The following PARP16 variants were observed in gnomAD, a reference collection of about 807,000 sequenced individuals.
PARP16 encodes poly(ADP-ribose) polymerase family member 16.
Under a neutral mutation model 35.0 loss-of-function variants are expected in PARP16, and 31 were observed. The observed-to-expected ratio is 0.88, with a 90% confidence interval of 0.66 to 1.19. The LOEUF (loss-of-function observed/expected upper bound fraction) is 1.19. Among genes scored for constraint, PARP16 ranks in the 50% most tolerant of loss-of-function variants. PARP16 has a pLI of 0.00. For missense variants in PARP16, 424 were observed against 411.2 expected, an observed-to-expected ratio of 1.03 and a Z score of -0.27; for synonymous variants, 162 against 169.5, an observed-to-expected ratio of 0.96 and a Z score of 0.34.
Position 65,249,360 on chromosome 15 carries a change from C to G in PARP16, c.203-1132G>C, listed in dbSNP as rs78436721. Among the ~76,000 whole-genome samples, 1,459 of 152,350 alleles carry G rather than the reference C, an allele frequency of 9.6e-3. 22 individuals carry two copies. The highest frequency in any genetic ancestry group is 0.033 in the African/African-American group (1,371 of 41,586). The stretch of plus-strand genomic sequence containing the variant: ...GGCTCCCACCCCAGGGACAGTGGCC[C>G]AGTGGGGGCCTCCTCTTAAGTGACA... On this transcript the variant is annotated intron_variant and NMD_transcript_variant, in intron 2 of 3. Coordinates refer to the PARP16 transcript ENST00000559805.
intron 3 of PARP16, among the ~76,000 whole-genome samples, chr15:65,238,215 CAG>C (rs2088943111): frequency 6.6e-6 from 1 of 152,070 alleles, no homozygotes; most frequent in Admixed American, 6.6e-5. Flanking sequence ...ACCCGGGAGG[CAG>C]AGTTTGCAGT....
chr15:65,260,982 C>T lies in PARP16; in HGVS notation c.736G>A (p.Glu246Lys). Residue 246 changes from glutamate (E) to lysine (K), a missense_variant, in exon 5 of 6, where the codon GAA becomes AAA. By Grantham distance (56) the Glu-to-Lys change is moderately conservative (BLOSUM62 1). Transcript: ENST00000649807. Reference sequence around the variant, plus strand: ...TACTTGGGAGGGATGTCTCCCCCTTCACTATGTTTGATTCTCGCTCGTCTG... The same window carrying T: ...TACTTGGGAGGGATGTCTCCCCCTTTACTATGTTTGATTCTCGCTCGTCTG... ...DRRRARIKHS[E>K]GGDIPPKYFV... 6.2e-7 allele frequency: 1 copy of T among 1,613,644 alleles called. No homozygotes were observed. The highest frequency in any genetic ancestry group is 8.5e-7 in the Non-Finnish European group (1 of 1,179,632).
intron 1 of PARP16, among the ~76,000 whole-genome samples, chr15:65,276,817 C>A (rs147840093): frequency 6.6e-6 from 1 of 151,772 alleles, no homozygotes; most frequent in African/African-American, 2.4e-5. Flanking sequence ...CCTGTCTTTA[C>A]TAAAAATACA....
chr15:65,250,846 C>T (rs1244836029), intron 2 of PARP16, among the ~76,000 whole-genome samples: 3 of 152,084 alleles, frequency 2.0e-5, no homozygotes, highest in African/African-American at 4.8e-5. Flanking sequence ...CACAGTGGCG[C>T]GCGTGTGTGT....
In PARP16 at chr15:65,263,152, T is replaced by C; in HGVS notation, c.688A>G (p.Lys230Glu). The C allele has an allele frequency of 6.2e-7, 1 of 1,613,544 alleles. No individual in the cohort carries two copies. Among genetic ancestry groups the C allele is most frequent in the South Asian group, 1.1e-5 (1 of 90,966 alleles). ...HPDVKCQTKK[K>E]DSKEIDRRRA... is the part of the protein sequence containing the mutation. Reference sequence around the variant, plus strand: ...TCTGGACCAAGTGCTCACTCACCCTTCTTCTTGGTTTGGCACTTGACGTCC... The same window carrying C: ...TCTGGACCAAGTGCTCACTCACCCTCCTTCTTGGTTTGGCACTTGACGTCC... The change falls in exon 4 of 6, where the codon AAG becomes GAG. Residue 230 changes from lysine (K) to glutamate (E), a missense_variant. Coordinates refer to ENST00000649807, the MANE Select transcript of PARP16 (RefSeq NM_001316943.2).
intron 1 of PARP16, among the ~76,000 whole-genome samples, chr15:65,276,030 C>T (rs1353988960): frequency 1.3e-5 from 2 of 152,196 alleles, no homozygotes; most frequent in African/African-American, 2.4e-5. Flanking sequence ...GGGAGAGATG[C>T]CTCCTAGCTC....
chr15:65,255,111 T>TC (rs555181620), downstream of PARP16, among the ~76,000 whole-genome samples: 376 of 152,236 alleles, frequency 2.5e-3, 4 homozygotes, highest in African/African-American at 8.6e-3. Flanking sequence ...CTTTCACTTT[T>TC]CCCAGAGCTG....
downstream of PARP16, among the ~76,000 whole-genome samples, chr15:65,254,099 G>A (rs369996604): frequency 3.8e-4 from 58 of 152,314 alleles, no homozygotes; most frequent in East Asian, 7.3e-3. Flanking sequence ...GATTATAGCC[G>A]TGAACCACCG....
At position 65,260,882 on chromosome 15, in the gene PARP16, T is replaced by C; in HGVS notation, c.833+3A>G. ...AGCCATTAGTTGTTCTCTTGGACCT[T>C]ACCTCTTGGGTGGCTTCTGTGAATA... On this transcript the variant is annotated splice_donor_region_variant and intron_variant, in intron 5 of 5. Transcript: ENST00000649807. The C allele has an allele frequency of 8.7e-6, 14 of 1,613,612 alleles. No individual in the cohort carries two copies. Among genetic ancestry groups the C allele is most frequent in the Non-Finnish European group, 1.2e-5 (14 of 1,179,668 alleles).
At position 65,266,671 on chromosome 15, in the gene PARP16, T is replaced by C. The variant is rs747473542; in HGVS notation, c.410A>G (p.Lys137Arg). Residue 137 changes from lysine to arginine, a missense_variant, in exon 3 of 6, where the codon AAA becomes AGA. Physicochemically the swap from Lys to Arg is conservative, Grantham distance 26 (BLOSUM62 2). Transcript: ENST00000649807. ...TCGTTCTCCTTTGGTCTCATAAAAT[T>C]TGGCGTTGGCTGGGTCAAAGTACTC... The part of the protein sequence containing the change: ...EIEYFDPANA[K>R]FYETKGERDL... 1 of 1,614,134 alleles carries C rather than the reference T, an allele frequency of 6.2e-7. No homozygotes were observed. The highest frequency in any genetic ancestry group is 8.5e-7 in the Non-Finnish European group (1 of 1,180,020).
In PARP16 at chr15:65,277,407, A is replaced by T. The variant is rs533240856; in HGVS notation, c.175-6335T>A. On this transcript the variant is annotated intron_variant, in intron 1 of 5. Transcript: ENST00000649807. ...CACTCCCTGAGGCCAACCACATCTT[A>T]CTTACCCTGGATCCCCATGCCAGCC... Among the ~76,000 whole-genome samples, 9 of 152,308 alleles carry T rather than the reference A, an allele frequency of 5.9e-5. No homozygotes were observed. The South Asian group carries it at 1.9e-3, about 32-fold the overall frequency.
chr15:65,231,107 C>T (rs370492217), downstream of PARP16, among the ~76,000 whole-genome samples: 2 of 152,102 alleles, frequency 1.3e-5, no homozygotes, highest in East Asian at 1.9e-4. Context: ...AGGCCAGTCT[C>T]GAACTCCTGA....
chr15:65,243,106 C>T (rs956905793), intron 3 of PARP16, among the ~76,000 whole-genome samples: 4 of 152,108 alleles, frequency 2.6e-5, no homozygotes, highest in Admixed American at 6.6e-5. Flanking sequence ...TTTTTCTTTC[C>T]AAACTATATG....
At chr15:65,259,565 T>A (rs1478166653) in intron 5 of PARP16, 23 bp from the exon 6 acceptor site, 3 of 1,607,464 alleles carry the variant, frequency 1.9e-6, no homozygotes, top group Non-Finnish European at 1.7e-6. Context: ...GAAAAAAGAG[T>A]GGTGTTGGCA....
chr15:65,240,322 T>TTG (rs1567008535), intron 3 of PARP16, among the ~76,000 whole-genome samples: 10 of 45,986 alleles, frequency 2.2e-4, no homozygotes, highest in African/African-American at 8.4e-4. Flanking sequence ...TGGGGGGGGC[T>TTG]AGTGTGTGTG....
Position 65,266,755 on chromosome 15 carries a change from T to C in PARP16, c.326A>G (p.Gln109Arg), listed in dbSNP as rs985523373. 6.2e-7 allele frequency: 1 copy of C among 1,613,728 alleles called. No individual in the cohort carries two copies. The highest frequency in any genetic ancestry group is 1.7e-5 in the Admixed American group (1 of 59,966). Reference sequence around the variant, plus strand: ...CGTGTGAGGAGCCCCAGTCAGCTTTTGGATCTTTTCAAACTTGAAAACATG... The same window carrying C: ...CGTGTGAGGAGCCCCAGTCAGCTTTCGGATCTTTTCAAACTTGAAAACATG... ...SAGKAEFEKIQKLTGAPHTPV... is the reference protein window; with the variant it reads ...SAGKAEFEKIRKLTGAPHTPV... Residue 109 changes from glutamine (Q) to arginine (R), a missense_variant, in exon 3 of 6, where the codon CAA becomes CGA. Gln to Arg is a conservative substitution (Grantham distance 43). Transcript: ENST00000649807.
chr15:65,286,321 G>A lies in PARP16; in HGVS notation c.106C>T (p.Arg36Cys), dbSNP rs745494229. The A allele has an allele frequency of 1.2e-6, 2 of 1,604,582 alleles. No individual in the cohort carries two copies. The highest frequency in any genetic ancestry group is 1.7e-5 in the Admixed American group (1 of 59,142). Residue 36 changes from arginine (R) to cysteine (C), a missense_variant, in exon 1 of 6, where the codon CGC becomes TGC. Physicochemically the swap from Arg to Cys is radical, Grantham distance 180. Transcript: ENST00000649807. The part of the protein sequence containing the change: ...LFASALQSYK[R>C]DSVLRPFPAS... The stretch of plus-strand genomic sequence containing the variant: ...GGGAAGGGCCGCAGCACCGAGTCGC[G>A]CTTGTAGCTCTGCAGGGCCGAGGCG...
chr15:65,250,106 C>CTTTTTTTTTTT (rs1567013240), intron 2 of PARP16, among the ~76,000 whole-genome samples: 1 of 104,198 alleles, frequency 9.6e-6, no homozygotes. Flanking sequence ...CACCTGCTTG[C>CTTTTTTTTTTT]CTTTTTTTTT....
downstream of PARP16, among the ~76,000 whole-genome samples, chr15:65,232,820 C>G (rs537145212): frequency 3.9e-5 from 6 of 152,084 alleles, no homozygotes; most frequent in African/African-American, 1.4e-4. Context: ...CTTTGGAAGG[C>G]TGAGGAGGGA....
Sources: gnomAD v4.1 joint callset for allele counts (sites outside exome capture counted in the v4.1 genomes callset) on GRCh38, gnomAD v4.1.1 for gene constraint, MANE v1.5 for transcripts, NCBI Gene and HGNC (gene_info 2026-07-23, HGNC 2026-07-21) for gene names.